PHEX: variants seen among roughly 807,000 people sequenced by gnomAD.
PHEX encodes phosphate-regulating neutral endopeptidase PHEX.
PHEX carries 16 observed loss-of-function variants against 68.0 expected under a neutral mutation model. The observed-to-expected ratio is 0.24, with a 90% confidence interval of 0.16 to 0.36. The LOEUF (loss-of-function observed/expected upper bound fraction) is 0.36. Ranked by LOEUF, PHEX falls within the 10% of genes least tolerant of loss-of-function variation. The pLI is 1.00. For missense variants in PHEX, 480 were observed against 575.5 expected (o/e 0.83, Z 1.70); for synonymous variants, 208 against 205.1 (o/e 1.01, Z -0.12).
rs3752432 is a variant in PHEX, at chrX:22,221,440, T to C, written c.1769-173T>C. On this transcript the variant is annotated intron_variant, in intron 17 of 21. Transcript: ENST00000379374. ...CTTCCTCAATTGTCTTTATCCTTTT[T>C]GCCCTTTTTACAATTAACCTGTGAC... Among the ~76,000 whole-genome samples the C allele has an allele frequency of 0.37, 40,817 of 110,886 alleles. 6,001 individuals are homozygous for C. The highest frequency in any genetic ancestry group is 0.52 in the African/African-American group (15,821 of 30,381).
intron 15 of PHEX, among the ~76,000 whole-genome samples, chrX:22,205,898 A>G (rs1440111316): frequency 1.8e-5 from 2 of 112,155 alleles, no homozygotes; most frequent in African/African-American, 3.2e-5. Flanking sequence ...CCTTTGATCA[A>G]TATTTTGTCT....
chrX:22,088,611 GTGTC>G (rs1298879628), intron 5 of PHEX, among the ~76,000 whole-genome samples: 3 of 111,543 alleles, frequency 2.7e-5, no homozygotes, highest in African/African-American at 9.8e-5. Context: ...CTTTGATGAA[GTGTC>G]TGTTAGAATC....
In PHEX at chrX:22,196,468, A is replaced by G. The variant is rs188919118; in HGVS notation, c.1645+5966A>G. Among the ~76,000 whole-genome samples the G allele has an allele frequency of 4.4e-5, 5 of 112,380 alleles. No individual in the cohort carries two copies. In the East Asian group the frequency reaches 8.4e-4, roughly 19 times the overall value. The stretch of plus-strand genomic sequence containing the variant: ...GCAGCCATAGACAGTTCATAAACCA[A>G]TGAACCTGGCTGTGTTCCAGTAAAA... On this transcript the variant is annotated intron_variant, in intron 15 of 21. Transcript: ENST00000379374.
chrX:22,167,316 G>C (rs146344813), intron 12 of PHEX, among the ~76,000 whole-genome samples: 17 of 110,154 alleles, frequency 1.5e-4, no homozygotes, highest in African/African-American at 5.6e-4. Flanking sequence ...GTTATCTCTT[G>C]TCTTGTTGAT....
chrX:22,166,304 A>G (rs1933315921), intron 12 of PHEX, among the ~76,000 whole-genome samples: 1 of 111,587 alleles, frequency 9.0e-6, no homozygotes. Context: ...TCTTAGCTGT[A>G]AAATAAAATA....
chrX:22,232,544 A>ATCTT (rs1386730771), intron 20 of PHEX, among the ~76,000 whole-genome samples: 3 of 71,004 alleles, frequency 4.2e-5, no homozygotes, highest in African/African-American at 1.6e-4. Context: ...GTCTCTTTTG[A>ATCTT]TCTTTGTTCA....
intron 14 of PHEX, 113 bp from the exon 15 acceptor site, chrX:22,190,331 C>A: frequency 1.7e-6 from 1 of 575,741 alleles, no homozygotes; most frequent in Non-Finnish European, 3.2e-6. Flanking sequence ...TGTCCAACAT[C>A]CCCATTGTTC....
intron 3 of PHEX, among the ~76,000 whole-genome samples, chrX:22,048,205 T>C (rs772152628): frequency 2.7e-4 from 30 of 111,747 alleles, no homozygotes; most frequent in Non-Finnish European, 5.6e-4. Context: ...CAACTAGATA[T>C]AAATCACATG....
chrX:22,225,749 A>G (rs949529941), intron 18 of PHEX, among the ~76,000 whole-genome samples: 4 of 112,445 alleles, frequency 3.6e-5, no homozygotes, highest in African/African-American at 1.3e-4. Context: ...TGAAGCCTGT[A>G]CAAAAACAAG....
At chrX:22,242,482 T>C in intron 20 of PHEX, among the ~76,000 whole-genome samples, 1 of 111,803 alleles carries the variant, frequency 8.9e-6, no homozygotes, top group East Asian at 2.8e-4. Flanking sequence ...GGAAGTCAGA[T>C]TGTCTCTGTT....
intron 20 of PHEX, among the ~76,000 whole-genome samples, chrX:22,241,382 C>CA (rs1352223331): frequency 9.0e-6 from 1 of 111,235 alleles, no homozygotes; most frequent in Non-Finnish European, 1.9e-5. Flanking sequence ...GAAGCAAGAG[C>CA]AAACAAATTC....
chrX:22,158,926 A>C (rs1378977288), intron 12 of PHEX, among the ~76,000 whole-genome samples: 1 of 112,410 alleles, frequency 8.9e-6, no homozygotes, highest in African/African-American at 3.2e-5. Context: ...TCTCTCTTCA[A>C]ATAATAATCT....
Position 22,097,053 on chromosome X carries a change from T to A in PHEX, c.933+15T>A. 2.7e-6 allele frequency: 3 copies of A among 1,101,528 alleles called. No homozygotes were observed. The highest frequency in any genetic ancestry group is 3.8e-6 in the Non-Finnish European group (3 of 794,644). 90.8% of individuals were successfully genotyped at this position (1,101,528 alleles called of 1,213,427 possible). ...TGATTCCCCAGGTTGGTGAAAACTA[T>A]CCAGAAAACTTTCTCTCAACTCATC... is the stretch of plus-strand genomic sequence containing the variant. On this transcript the variant is annotated intron_variant, in intron 8 of 21. Transcript: ENST00000379374.
At chrX:22,186,453 A>G (rs1441152958) in intron 14 of PHEX, among the ~76,000 whole-genome samples, 2 of 112,809 alleles carry the variant, frequency 1.8e-5, no homozygotes, top group Non-Finnish European at 3.7e-5. Flanking sequence ...TCACAAACAC[A>G]TATTAAAACT....
chrX:22,186,771 G>A (rs187985305), intron 14 of PHEX, among the ~76,000 whole-genome samples: 29 of 112,012 alleles, frequency 2.6e-4, no homozygotes, highest in African/African-American at 9.4e-4. Context: ...GCCCCATTAA[G>A]GTCTAGTTTC....
At chrX:22,139,845 A>G (rs1463571512) in intron 12 of PHEX, among the ~76,000 whole-genome samples, 1 of 110,667 alleles carries the variant, frequency 9.0e-6, no homozygotes, top group Non-Finnish European at 1.9e-5. Flanking sequence ...CCCAGCCAAC[A>G]TATATTTATT....
chrX:22,169,533 C>G (rs934345507), intron 13 of PHEX, among the ~76,000 whole-genome samples: 4 of 112,319 alleles, frequency 3.6e-5, no homozygotes, highest in Non-Finnish European at 7.5e-5. Flanking sequence ...TAAGTGAGCT[C>G]CTCAGTTCCA....
chrX:22,108,420 T>A (rs1201202889), intron 9 of PHEX, among the ~76,000 whole-genome samples: 1 of 111,375 alleles, frequency 9.0e-6, no homozygotes, highest in Non-Finnish European at 1.9e-5. Context: ...GTACATTACT[T>A]GGGTGATGGG....
chrX:22,127,586 G>T (rs754384532), intron 11 of PHEX, among the ~76,000 whole-genome samples: 46 of 111,140 alleles, frequency 4.1e-4, no homozygotes, highest in Non-Finnish European at 6.4e-4. Flanking sequence ...TATTTGCATT[G>T]ACATGTCAAC....
Sources: gnomAD v4.1 joint callset for allele counts (sites outside exome capture counted in the v4.1 genomes callset) on GRCh38, gnomAD v4.1.1 for gene constraint, MANE v1.5 for transcripts, NCBI Gene and HGNC (gene_info 2026-07-23, HGNC 2026-07-21) for gene names.